MAN1A1: variants seen among roughly 807,000 people sequenced by gnomAD.
MAN1A1 encodes the protein mannosyl-oligosaccharide 1,2-alpha-mannosidase IA.
Under a neutral mutation model 70.8 loss-of-function variants are expected in MAN1A1, and 29 were observed. That is an observed-to-expected ratio of 0.41 (90% confidence interval 0.31 to 0.56). MAN1A1 has a LOEUF of 0.56. MAN1A1 is among the 20% of genes least tolerant of loss of function. The probability of loss-of-function intolerance (pLI) is 0.29; values close to 1 mark genes in which losing one functional copy is unlikely to be tolerated. For synonymous variants in MAN1A1, 349 were observed against 330.1 expected, an observed-to-expected ratio of 1.06 and a Z score of -0.62; for missense variants, 747 against 841.3, an observed-to-expected ratio of 0.89 and a Z score of 1.39.
Position 119,179,736 on chromosome 6 carries a change from C to T in MAN1A1, c.*83G>A, listed in dbSNP as rs1773096837. 7.6e-7 allele frequency: 1 copy of T among 1,309,206 alleles called. No homozygotes were observed. The highest frequency in any genetic ancestry group is 1.9e-5 in the Admixed American group (1 of 52,120). 81.1% of individuals were successfully genotyped at this position (1,309,206 alleles called of 1,614,324 possible). On this transcript the variant is annotated 3_prime_UTR_variant, in exon 13 of 13. Coordinates refer to ENST00000368468, the MANE Select transcript of MAN1A1 (RefSeq NM_005907.4). ...AATCACAGACCTACTAATCAAAGTT[C>T]ATCATGTGCCTGATTACCAGAAAAG... is the stretch of plus-strand genomic sequence containing the variant.
Position 119,322,789 on chromosome 6 carries a change from GA to G in MAN1A1, c.604-15798del, listed in dbSNP as rs535536061. Among the ~76,000 whole-genome samples, 505 of 152,304 alleles carry G rather than the reference GA, an allele frequency of 3.3e-3. 1 individual carries two copies. The highest frequency in any genetic ancestry group is 4.5e-3 in the Non-Finnish European group (308 of 68,026). On this transcript the variant is annotated intron_variant, in intron 2 of 12. Transcript: ENST00000368468. ...AAAAATGTCTTCAGCATAAGGCTCT[GA>G]ATTAGGAAGTAGCAAACCAAGCTGT...
At chr6:119,342,370 T>C (rs1189908124) in intron 2 of MAN1A1, among the ~76,000 whole-genome samples, 1 of 152,192 alleles carries the variant, frequency 6.6e-6, no homozygotes, top group Non-Finnish European at 1.5e-5. Context: ...CTTTAGGTGG[T>C]GACCAGTAAC....
chr6:119,217,243 A>G (rs558314310), intron 6 of MAN1A1, among the ~76,000 whole-genome samples: 1 of 152,198 alleles, frequency 6.6e-6, no homozygotes, highest in East Asian at 1.9e-4. Flanking sequence ...CATTTATTTA[A>G]TCATAAGCTT....
chr6:119,291,703 G>T (rs2093154039), intron 4 of MAN1A1, among the ~76,000 whole-genome samples: 1 of 151,922 alleles, frequency 6.6e-6, no homozygotes, highest in Non-Finnish European at 1.5e-5. Context: ...CTGGGTTCTA[G>T]TGCTGGTTTC....
intron 11 of MAN1A1, among the ~76,000 whole-genome samples, chr6:119,185,591 T>C (rs775873240): frequency 9.2e-5 from 14 of 152,138 alleles, no homozygotes; most frequent in Non-Finnish European, 1.6e-4. Context: ...TCTTTATTTT[T>C]TTGGAGTTGG....
intron 9 of MAN1A1, among the ~76,000 whole-genome samples, chr6:119,190,214 C>T (rs1463447860): frequency 5.9e-5 from 9 of 152,206 alleles, no homozygotes; most frequent in Non-Finnish European, 1.2e-4. Flanking sequence ...TGGTTTGGTA[C>T]ATTTTCATTT....
intron 8 of MAN1A1, among the ~76,000 whole-genome samples, chr6:119,198,570 G>A (rs930310085): frequency 1.1e-4 from 16 of 151,970 alleles, no homozygotes; most frequent in Middle Eastern, 6.8e-3. Flanking sequence ...AAATATTTTC[G>A]TTACCTCGTT....
chr6:119,193,252 A>T (rs1773487296), intron 9 of MAN1A1, among the ~76,000 whole-genome samples: 1 of 152,036 alleles, frequency 6.6e-6, no homozygotes, highest in South Asian at 2.1e-4. Flanking sequence ...TCAACACTCA[A>T]CTGTTGCCTC....
At chr6:119,268,320 C>T (rs1775815497) in intron 5 of MAN1A1, among the ~76,000 whole-genome samples, 1 of 152,132 alleles carries the variant, frequency 6.6e-6, no homozygotes, top group Admixed American at 6.5e-5. Flanking sequence ...ATTCGGACCA[C>T]AAAATACAGG....
chr6:119,293,890 T>C (rs1772122483), intron 4 of MAN1A1, among the ~76,000 whole-genome samples: 1 of 152,070 alleles, frequency 6.6e-6, no homozygotes. Flanking sequence ...AGATAACTAA[T>C]TTATTCTGAG....
Position 119,190,996 on chromosome 6 carries a change from A to G in MAN1A1, c.1327-1113T>C, listed in dbSNP as rs150342671. Among the ~76,000 whole-genome samples the G allele has an allele frequency of 6.7e-4, 102 of 152,322 alleles. No homozygotes were observed. The East Asian group carries it at 0.014, about 20-fold the overall frequency. On this transcript the variant is annotated intron_variant, in intron 9 of 12. Coordinates refer to ENST00000368468, the MANE Select transcript of MAN1A1 (RefSeq NM_005907.4). ...TAGGAAGCACATTTGGGAATAATAG[A>G]CACAGAAAAAAACTTGTGATAGAGA...
intron 5 of MAN1A1, among the ~76,000 whole-genome samples, chr6:119,250,675 T>TGCGC (rs398002706): frequency 8.7e-5 from 13 of 148,882 alleles, no homozygotes; most frequent in African/African-American, 3.2e-4. Flanking sequence ...TGTGTGTGTG[T>TGCGC]GCGTGTCAGT....
Position 119,306,936 on chromosome 6 carries a change from G to T in MAN1A1, c.660C>A (p.Leu220=). 2 of 1,600,678 alleles carry T rather than the reference G, an allele frequency of 1.2e-6. No individual in the cohort carries two copies. The highest frequency in any genetic ancestry group is 1.7e-6 in the Non-Finnish European group (2 of 1,168,174). ...AATGGCCTCCTTTTGATATAGGTTT[G>T]AGTTCATTTAATCCCCAGGCATAAC... ...YKGYAWGLNE[L]KPISKGGHSS... is the part of the protein sequence containing the mutation. The change falls in exon 3 of 13, where the codon CTC becomes CTA. Residue 220 remains leucine (L), a synonymous_variant. Coordinates refer to ENST00000368468, the MANE Select transcript of MAN1A1 (RefSeq NM_005907.4).
chr6:119,294,115 T>A (rs1772131251), intron 4 of MAN1A1, among the ~76,000 whole-genome samples: 1 of 152,042 alleles, frequency 6.6e-6, no homozygotes, highest in South Asian at 2.1e-4. Flanking sequence ...CTTTGGCCCA[T>A]ATGAGGTCTT....
At chr6:119,233,829 A>G (rs945621312) in intron 6 of MAN1A1, among the ~76,000 whole-genome samples, 2 of 152,220 alleles carry the variant, frequency 1.3e-5, no homozygotes, top group Non-Finnish European at 2.9e-5. Context: ...GAGGCTTTTG[A>G]TGTATTGCGG....
intron 11 of MAN1A1, among the ~76,000 whole-genome samples, chr6:119,188,197 T>C (rs1022361168): frequency 3.9e-5 from 6 of 152,228 alleles, no homozygotes; most frequent in African/African-American, 7.2e-5. Context: ...AGTCTATCAG[T>C]AGATATATCT....
intron 5 of MAN1A1, among the ~76,000 whole-genome samples, chr6:119,252,333 T>C (rs1755412528): frequency 6.6e-6 from 1 of 152,224 alleles, no homozygotes; most frequent in African/African-American, 2.4e-5. Flanking sequence ...TTATTGTTTA[T>C]TTTATGTTGA....
At chr6:119,298,322 C>T (rs1396732884) in intron 4 of MAN1A1, among the ~76,000 whole-genome samples, 1 of 152,110 alleles carries the variant, frequency 6.6e-6, no homozygotes. Flanking sequence ...ATATTAAAGT[C>T]ATTTGAACTT....
chr6:119,215,593 T>C (rs1202912340), intron 6 of MAN1A1, among the ~76,000 whole-genome samples: 2 of 152,222 alleles, frequency 1.3e-5, no homozygotes, highest in African/African-American at 4.8e-5. Context: ...AGTGGGAAGA[T>C]TCCACAATTT....
Sources: gnomAD v4.1 joint callset for allele counts (sites outside exome capture counted in the v4.1 genomes callset) on GRCh38, gnomAD v4.1.1 for gene constraint, MANE v1.5 for transcripts, NCBI Gene and HGNC (gene_info 2026-07-23, HGNC 2026-07-21) for gene names.